The following CENPU variants were observed in gnomAD, a reference collection of about 807,000 sequenced individuals.
CENPU encodes the protein centromere protein U, also known as KSHV latent nuclear antigen interacting protein 1.
In CENPU, 46 loss-of-function variants were observed where a neutral mutation model predicts 56.7. The observed-to-expected ratio is 0.81, with a 90% confidence interval of 0.64 to 1.04. The LOEUF (loss-of-function observed/expected upper bound fraction) is 1.04. Ranked by LOEUF, CENPU falls within the 50% of genes least tolerant of loss-of-function variation. CENPU has a pLI of 0.00. For synonymous variants in CENPU, 166 were observed against 163.0 expected (o/e 1.02, Z -0.14); for missense variants, 510 against 490.1 (o/e 1.04, Z -0.38).
intron 8 of CENPU, among the ~76,000 whole-genome samples, chr4:184,703,749 G>GT (rs1760624754): frequency 6.6e-6 from 1 of 152,158 alleles, no homozygotes; most frequent in African/African-American, 2.4e-5. Context: ...TAGCCAAAAG[G>GT]TGGGAACAAC....
At chr4:184,733,905 C>A in intron 1 of CENPU, 111 bp downstream of exon 1, 5 of 1,443,678 alleles carry the variant, frequency 3.5e-6, no homozygotes, top group Non-Finnish European at 4.9e-6. Context: ...GCCACTCGGG[C>A]GACCTCCACA....
chr4:184,716,020 C>T (rs954085085), intron 6 of CENPU, among the ~76,000 whole-genome samples: 1 of 151,612 alleles, frequency 6.6e-6, no homozygotes, highest in African/African-American at 2.4e-5. Context: ...GCAACCTCTA[C>T]CTCCTGGGCT....
At chr4:184,699,441 G>C (rs959453974) in intron 11 of CENPU, 33 of 556,072 alleles carry the variant, frequency 5.9e-5, no homozygotes, top group Non-Finnish European at 3.0e-5. Context: ...TTATCTCATA[G>C]GACTGTGATG....
chr4:184,694,453 G>T lies in CENPU; in HGVS notation c.*835C>A. 1 of 1,547,630 alleles carries T rather than the reference G, an allele frequency of 6.5e-7. No individual in the cohort carries two copies. On this transcript the variant is annotated 3_prime_UTR_variant, in exon 13 of 13. Transcript: ENST00000281453. The stretch of plus-strand genomic sequence containing the variant: ...TACCTTACTTCAACATAGAGTATAA[G>T]GTTAAATCACATATCCTGAGTAAAT...
chr4:184,721,515 C>T (rs1250361607), intron 4 of CENPU, among the ~76,000 whole-genome samples: 2 of 139,102 alleles, frequency 1.4e-5, no homozygotes, highest in Non-Finnish European at 3.0e-5. Flanking sequence ...AAACACATTT[C>T]ACCTATAAAG....
Position 184,716,637 on chromosome 4 carries a change from T to G in CENPU, c.382-4A>C. The G allele has an allele frequency of 3.1e-6, 5 of 1,607,294 alleles. No individual in the cohort carries two copies. The highest frequency in any genetic ancestry group is 4.3e-6 in the Non-Finnish European group (5 of 1,176,424). On this transcript the variant is annotated splice_polypyrimidine_tract_variant and splice_region_variant and intron_variant, in intron 5 of 12. Transcript: ENST00000281453. ...TGGGCCTGAGCTTTCTTCCTGGCTG[T>G]GTGAAAGAAAAAACAGCAGTACTTA...
In CENPU at chr4:184,694,246, T is replaced by A; in HGVS notation, c.*1042A>T. 1 of 1,135,758 alleles carries A rather than the reference T, an allele frequency of 8.8e-7. No individual in the cohort carries two copies. The highest frequency in any genetic ancestry group is 4.4e-5 in the East Asian group (1 of 22,962). The allele number at this position is 1,135,758 out of a possible 1,614,324, so 70.4% of individuals were successfully genotyped here. The stretch of plus-strand genomic sequence containing the variant: ...ACTTGTTAAAAAATTAAATCCACCC[T>A]TGCTCTTCCGTCGGGGAGTATTGAA... On this transcript the variant is annotated 3_prime_UTR_variant, in exon 13 of 13. Coordinates refer to ENST00000281453, the MANE Select transcript of CENPU (RefSeq NM_024629.4).
At chr4:184,728,744 A>G (rs920232518) in intron 3 of CENPU, among the ~76,000 whole-genome samples, 174 bp downstream of exon 3, 1 of 152,228 alleles carries the variant, frequency 6.6e-6, no homozygotes, top group Non-Finnish European at 1.5e-5. Context: ...CTTAGTTTCA[A>G]TGTACCCGTA....
chr4:184,697,588 T>A, intron 12 of CENPU, 59 bp downstream of exon 12: 1 of 1,517,170 alleles, frequency 6.6e-7, no homozygotes, highest in Non-Finnish European at 9.1e-7. Context: ...TACTCTAGCA[T>A]GAAAATGCCC....
At chr4:184,713,038 T>C in intron 6 of CENPU, 25 bp from the exon 7 acceptor site, 1 of 1,447,404 alleles carries the variant, frequency 6.9e-7, no homozygotes, top group East Asian at 2.3e-5. Context: ...AGCATTAAGT[T>C]TTTAAGAAAA....
intron 2 of CENPU, among the ~76,000 whole-genome samples, 200 bp from the exon 3 acceptor site, chr4:184,729,235 T>C (rs1484597750): frequency 3.9e-5 from 6 of 152,120 alleles, no homozygotes. Flanking sequence ...ACCCCACAAA[T>C]GTGTACAATT....
At chr4:184,726,499 G>C (rs190262472) in intron 3 of CENPU, among the ~76,000 whole-genome samples, 231 of 152,232 alleles carry the variant, frequency 1.5e-3, no homozygotes, top group African/African-American at 5.2e-3. Flanking sequence ...CCAGAAAATA[G>C]CAAGTGTAGG....
At position 184,694,159 on chromosome 4, in the gene CENPU, G is replaced by A. The variant is rs1021878710; in HGVS notation, c.*1129C>T. On this transcript the variant is annotated 3_prime_UTR_variant, in exon 13 of 13. Coordinates refer to ENST00000281453, the MANE Select transcript of CENPU (RefSeq NM_024629.4). ...AAATACTTTAAAATTTAAAGCATGGGTACTAAGTCCATTGTCAAGATAGCA... is the reference window on the plus strand; with the variant it reads ...AAATACTTTAAAATTTAAAGCATGGATACTAAGTCCATTGTCAAGATAGCA... 1.1e-6 allele frequency: 1 copy of A among 924,226 alleles called. No individual in the cohort carries two copies. The highest frequency in any genetic ancestry group is 1.3e-6 in the Non-Finnish European group (1 of 763,954). 57.3% of individuals were successfully genotyped at this position (924,226 alleles called of 1,614,324 possible).
chr4:184,720,745 G>A (rs556851000), intron 4 of CENPU, among the ~76,000 whole-genome samples: 2 of 152,142 alleles, frequency 1.3e-5, no homozygotes, highest in African/African-American at 4.8e-5. Flanking sequence ...TTAAAGTGTT[G>A]AAGGAAAAAA....
intron 8 of CENPU, among the ~76,000 whole-genome samples, chr4:184,709,794 TAA>T (rs546422536): frequency 2.2e-5 from 3 of 137,050 alleles, no homozygotes; most frequent in Admixed American, 7.2e-5. Flanking sequence ...CCTCAAAATT[TAA>T]AAAAAAAAAA....
At chr4:184,721,414 A>T (rs866946992) in intron 4 of CENPU, among the ~76,000 whole-genome samples, 109 of 143,604 alleles carry the variant, frequency 7.6e-4, no homozygotes, top group African/African-American at 2.7e-3. Context: ...CTGAATGTAA[A>T]TGGACTAACT....
chr4:184,727,777 T>C (rs1761509030), intron 3 of CENPU, among the ~76,000 whole-genome samples: 1 of 152,336 alleles, frequency 6.6e-6, no homozygotes, highest in South Asian at 2.1e-4. Flanking sequence ...GGTAACAAGC[T>C]GCGGTATATC....
At chr4:184,707,328 A>G (rs1760761758) in intron 8 of CENPU, among the ~76,000 whole-genome samples, 2 of 151,356 alleles carry the variant, frequency 1.3e-5, no homozygotes, top group South Asian at 4.2e-4. Context: ...GCCTCTTCCC[A>G]TCACCGATCT....
intron 8 of CENPU, among the ~76,000 whole-genome samples, chr4:184,709,574 T>C (rs1364996382): frequency 1.3e-5 from 2 of 152,152 alleles, no homozygotes; most frequent in Admixed American, 1.3e-4. Context: ...ACAAAGTATG[T>C]TTAGGAATAG....
Sources: gnomAD v4.1 joint callset for allele counts (sites outside exome capture counted in the v4.1 genomes callset) on GRCh38, gnomAD v4.1.1 for gene constraint, MANE v1.5 for transcripts, NCBI Gene and HGNC (gene_info 2026-07-23, HGNC 2026-07-21) for gene names.